Variants in COL25A1 observed in about 807,000 individuals in gnomAD.
COL25A1 encodes collagen type XXV alpha 1 chain.
Under a neutral mutation model 128.4 loss-of-function variants are expected in COL25A1, and 103 were observed. The observed-to-expected ratio is 0.80, with a 90% CI of 0.68 to 0.94. The LOEUF is 0.94. COL25A1 is among the 40% of genes least tolerant of loss of function. COL25A1 has a pLI of 0.00. For synonymous variants in COL25A1, 279 were observed against 277.2 expected (o/e 1.01, Z -0.06); for missense variants, 745 against 840.0 (o/e 0.89, Z 1.40).
chr4:108,914,239 T>C (rs1190766987), intron 13 of COL25A1, among the ~76,000 whole-genome samples: 3 of 152,162 alleles, frequency 2.0e-5, no homozygotes. Context: ...TGTGTACTCA[T>C]AGTATCTCTG....
At chr4:109,173,975 A>C (rs1479906421) in intron 3 of COL25A1, among the ~76,000 whole-genome samples, 1 of 152,166 alleles carries the variant, frequency 6.6e-6, no homozygotes, top group Non-Finnish European at 1.5e-5. Flanking sequence ...TGGATTTTAG[A>C]GCACTTCAGA....
intron 3 of COL25A1, among the ~76,000 whole-genome samples, chr4:109,215,999 C>T (rs1387785290): frequency 6.6e-6 from 1 of 152,100 alleles, no homozygotes; most frequent in Non-Finnish European, 1.5e-5. Flanking sequence ...CACTGACCAT[C>T]CAGTCTGAAA....
chr4:108,987,962 C>T (rs914487777), intron 6 of COL25A1, among the ~76,000 whole-genome samples: 3 of 152,154 alleles, frequency 2.0e-5, no homozygotes, highest in Non-Finnish European at 2.9e-5. Flanking sequence ...AAACTTAGCT[C>T]ACCCTGCTGG....
At chr4:109,120,135 G>T (rs752848383) in intron 3 of COL25A1, among the ~76,000 whole-genome samples, 1 of 151,952 alleles carries the variant, frequency 6.6e-6, no homozygotes, top group African/African-American at 2.4e-5. Flanking sequence ...AGCCTCTACC[G>T]GATAAAGAAC....
At chr4:109,241,955 C>G (rs1175130931) in intron 3 of COL25A1, among the ~76,000 whole-genome samples, 1 of 151,698 alleles carries the variant, frequency 6.6e-6, no homozygotes, top group Non-Finnish European at 1.5e-5. Flanking sequence ...TGAAAGTCAC[C>G]ATATCAAGAC....
chr4:109,064,279 T>C lies in COL25A1; in HGVS notation c.368-14100A>G, dbSNP rs77380842. 7.6e-3 allele frequency among the ~76,000 whole-genome samples: 1,155 copies of C among 152,364 alleles called. 38 individuals are homozygous for C. In the East Asian group the frequency reaches 0.082, roughly 11 times the overall value. ...AGATCCTCTGTGGAGTCTGCCTTTCTTCTTTTAACACGATATGCACAGACC... is the reference window on the plus strand; with the variant it reads ...AGATCCTCTGTGGAGTCTGCCTTTCCTCTTTTAACACGATATGCACAGACC... On this transcript the variant is annotated intron_variant, in intron 3 of 37. Transcript: ENST00000399132.
At chr4:108,922,035 G>A (rs1745549502) in intron 11 of COL25A1, among the ~76,000 whole-genome samples, 1 of 152,036 alleles carries the variant, frequency 6.6e-6, no homozygotes, top group African/African-American at 2.4e-5. Flanking sequence ...TCCTATACAA[G>A]GCAAATTCAT....
At chr4:108,898,828 CATT>C (rs953842528) in intron 15 of COL25A1, among the ~76,000 whole-genome samples, 17 of 152,108 alleles carry the variant, frequency 1.1e-4, no homozygotes, top group Non-Finnish European at 1.5e-5. Context: ...CCTTTCTCTT[CATT>C]ATTAAATATT....
chr4:108,947,442 CA>C (rs371935048), intron 8 of COL25A1, among the ~76,000 whole-genome samples: 25 of 120,496 alleles, frequency 2.1e-4, no homozygotes, highest in African/African-American at 3.0e-4. Flanking sequence ...AACTCCGTCT[CA>C]AAAAAAAAAG....
chr4:109,294,284 G>C (rs1724754703), intron 3 of COL25A1, among the ~76,000 whole-genome samples: 4 of 152,052 alleles, frequency 2.6e-5, no homozygotes, highest in Admixed American at 2.0e-4. Context: ...TCATTTAAAT[G>C]AATCACAGAA....
intron 3 of COL25A1, among the ~76,000 whole-genome samples, chr4:109,091,387 A>G (rs2126008695): frequency 6.6e-6 from 1 of 152,294 alleles, no homozygotes; most frequent in South Asian, 2.1e-4. Flanking sequence ...CTCAGTCCAA[A>G]GTATTTCCTT....
At chr4:109,232,277 C>G (rs7662200) in intron 3 of COL25A1, among the ~76,000 whole-genome samples, 2 of 151,880 alleles carry the variant, frequency 1.3e-5, no homozygotes, top group Non-Finnish European at 2.9e-5. Flanking sequence ...ATTCATCATA[C>G]GAATTGATTT....
At chr4:108,859,110 AC>A (rs1421715670) in intron 24 of COL25A1, among the ~76,000 whole-genome samples, 1 of 152,212 alleles carries the variant, frequency 6.6e-6, no homozygotes, top group Non-Finnish European at 1.5e-5. Flanking sequence ...AATAAGAAAT[AC>A]AGAGGGCTTA....
At chr4:109,044,737 C>T (rs924292608) in intron 5 of COL25A1, among the ~76,000 whole-genome samples, 6 of 152,188 alleles carry the variant, frequency 3.9e-5, no homozygotes, top group Admixed American at 2.0e-4. Flanking sequence ...ATTTAGAGTG[C>T]AGAATGGAGG....
intron 3 of COL25A1, among the ~76,000 whole-genome samples, chr4:109,156,943 G>A (rs1772094645): frequency 6.6e-6 from 1 of 152,140 alleles, no homozygotes; most frequent in Non-Finnish European, 1.5e-5. Context: ...TGAATTTGCA[G>A]GTGTATTCTA....
At chr4:109,285,889 C>T (rs1280081614) in intron 3 of COL25A1, among the ~76,000 whole-genome samples, 4 of 134,988 alleles carry the variant, frequency 3.0e-5, no homozygotes, top group South Asian at 2.4e-4. Context: ...GTTTTTTTGT[C>T]TGTTTGAGAG....
At chr4:109,067,587 C>A (rs1480776115) in intron 3 of COL25A1, among the ~76,000 whole-genome samples, 1 of 152,184 alleles carries the variant, frequency 6.6e-6, no homozygotes, top group Non-Finnish European at 1.5e-5. Flanking sequence ...TCAGGAAGCA[C>A]AGTGGAAAAA....
intron 3 of COL25A1, among the ~76,000 whole-genome samples, chr4:109,155,945 T>C (rs372060476): frequency 4.6e-5 from 7 of 152,114 alleles, no homozygotes; most frequent in African/African-American, 1.4e-4. Context: ...CACAGATCCA[T>C]AAGAAAAACA....
intron 3 of COL25A1, among the ~76,000 whole-genome samples, chr4:109,224,635 G>A (rs1338980830): frequency 2.0e-5 from 3 of 152,174 alleles, no homozygotes; most frequent in Middle Eastern, 3.4e-3. Flanking sequence ...AAGCTGCAGT[G>A]TACCTTAAAA....
Sources: gnomAD v4.1 joint callset for allele counts (sites outside exome capture counted in the v4.1 genomes callset) on GRCh38, gnomAD v4.1.1 for gene constraint, MANE v1.5 for transcripts, NCBI Gene and HGNC (gene_info 2026-07-23, HGNC 2026-07-21) for gene names.